Variants in PDE10A observed in about 807,000 individuals in gnomAD.
The protein encoded by PDE10A is cAMP and cAMP-inhibited cGMP 3',5'-cyclic phosphodiesterase 10A.
A neutral mutation model predicts 97.7 loss-of-function variants in PDE10A; 39 were observed. That is an observed-to-expected ratio of 0.40 (90% confidence interval 0.31 to 0.52). The LOEUF (loss-of-function observed/expected upper bound fraction) is 0.52. Ranked by LOEUF, PDE10A falls within the 20% of genes least tolerant of loss-of-function variation. The pLI is 0.56. For synonymous variants in PDE10A, 371 were observed against 376.8 expected, an observed-to-expected ratio of 0.98 and a Z score of 0.18; for missense variants, 731 against 1,047.8, an observed-to-expected ratio of 0.70 and a Z score of 4.17.
intron 2 of PDE10A, among the ~76,000 whole-genome samples, chr6:165,495,950 A>G (rs752943070): frequency 6.6e-6 from 1 of 152,144 alleles, no homozygotes; most frequent in South Asian, 2.1e-4. Context: ...ATAAATAACT[A>G]TATCATACAG....
chr6:165,976,069 G>A (rs1784837129), intron 1 of PDE10A, among the ~76,000 whole-genome samples: 1 of 152,190 alleles, frequency 6.6e-6, no homozygotes. Flanking sequence ...CTGCTATTAA[G>A]CATAGAGGGG....
chr6:165,916,572 G>C (rs1256795478), intron 1 of PDE10A, among the ~76,000 whole-genome samples: 1 of 152,216 alleles, frequency 6.6e-6, no homozygotes, highest in Non-Finnish European at 1.5e-5. Flanking sequence ...TGACAAAGGA[G>C]CAAAGAAAAT....
Position 165,341,664 on chromosome 6 carries a change from C to T in PDE10A, c.2895+1727G>A, listed in dbSNP as rs181476473. On this transcript the variant is annotated intron_variant, in intron 19 of 21. Transcript: ENST00000539869. The stretch of plus-strand genomic sequence containing the variant: ...CAGCTGCAGACTTCAGTCTAGGGAA[C>T]GTATCAAGCAACTCAACTTTTTCTT... 1.5e-3 allele frequency among the ~76,000 whole-genome samples: 233 copies of T among 152,248 alleles called. 1 individual carries two copies. Among genetic ancestry groups the T allele is most frequent in the African/African-American group, 5.2e-3 (214 of 41,536 alleles).
In PDE10A at chr6:165,347,105, T is replaced by A. The variant is rs757399619; in HGVS notation, c.2784-3603A>T. Among the ~76,000 whole-genome samples the A allele has an allele frequency of 9.9e-5, 15 of 152,200 alleles. No individual in the cohort carries two copies. In the Middle Eastern group the frequency reaches 0.01, roughly 104 times the overall value. On this transcript the variant is annotated intron_variant, in intron 18 of 21. Transcript: ENST00000539869. The stretch of plus-strand genomic sequence containing the variant: ...ATTATCACCTTAATGCTTTTTTTTT[T>A]ATCTTGCTTTTAAACTCATTTTCAA...
At chr6:165,826,288 G>T (rs1159671683) in intron 1 of PDE10A, among the ~76,000 whole-genome samples, 1 of 91,508 alleles carries the variant, frequency 1.1e-5, no homozygotes, top group Non-Finnish European at 2.4e-5. Flanking sequence ...ATGTCCCTCT[G>T]TCCCCATGTC....
chr6:165,692,995 A>G (rs1791345632), intron 1 of PDE10A, among the ~76,000 whole-genome samples: 1 of 152,206 alleles, frequency 6.6e-6, no homozygotes, highest in Admixed American at 6.5e-5. Context: ...CAAAGAGAGG[A>G]TAGAATCAGT....
intron 1 of PDE10A, among the ~76,000 whole-genome samples, chr6:165,774,235 CCTT>C (rs1192462328): frequency 1.3e-5 from 2 of 151,996 alleles, no homozygotes; most frequent in Non-Finnish European, 2.9e-5. Context: ...AACATTTGTG[CCTT>C]CTTTTCATTT....
intron 2 of PDE10A, among the ~76,000 whole-genome samples, chr6:165,516,352 A>G (rs1300989083): frequency 1.3e-5 from 2 of 152,204 alleles, no homozygotes; most frequent in Non-Finnish European, 2.9e-5. Flanking sequence ...AAGATTATGT[A>G]CATGCTTCCT....
intron 18 of PDE10A, among the ~76,000 whole-genome samples, chr6:165,368,837 G>T (rs1387228296): frequency 6.6e-6 from 1 of 152,174 alleles, no homozygotes; most frequent in African/African-American, 2.4e-5. Flanking sequence ...CCAAGTAGGG[G>T]CAGACCGACA....
chr6:165,507,693 A>G (rs1781278771), intron 2 of PDE10A, among the ~76,000 whole-genome samples: 1 of 151,954 alleles, frequency 6.6e-6, no homozygotes, highest in Non-Finnish European at 1.5e-5. Flanking sequence ...TCATTTTCCA[A>G]CTAACACTTA....
chr6:165,698,146 A>G (rs935527894), intron 1 of PDE10A, among the ~76,000 whole-genome samples: 4 of 152,198 alleles, frequency 2.6e-5, no homozygotes, highest in Non-Finnish European at 4.4e-5. Flanking sequence ...TTTAAATGCT[A>G]TAAACATCTC....
At chr6:165,777,673 G>T (rs561251755) in intron 1 of PDE10A, among the ~76,000 whole-genome samples, 1 of 151,200 alleles carries the variant, frequency 6.6e-6, no homozygotes, top group African/African-American at 2.4e-5. Flanking sequence ...GATAAGATCG[G>T]CGGCTGATCT....
chr6:165,926,373 T>G (rs1305197478), intron 1 of PDE10A, among the ~76,000 whole-genome samples: 2 of 152,234 alleles, frequency 1.3e-5, no homozygotes, highest in Admixed American at 1.3e-4. Flanking sequence ...GTATGTCTCC[T>G]TTAGTGTTGA....
intron 1 of PDE10A, among the ~76,000 whole-genome samples, chr6:165,583,287 A>G (rs1441090794): frequency 6.6e-6 from 1 of 152,230 alleles, no homozygotes; most frequent in South Asian, 2.1e-4. Context: ...TAGTGTGCCT[A>G]AAGATCCTCT....
chr6:165,855,316 G>T (rs1479490667), intron 1 of PDE10A, among the ~76,000 whole-genome samples: 3 of 150,988 alleles, frequency 2.0e-5, no homozygotes, highest in Middle Eastern at 3.4e-3. Flanking sequence ...GGGGGGGGGG[G>T]GGGACTCAGG....
chr6:165,394,646 G>A (rs1010084682), intron 15 of PDE10A, among the ~76,000 whole-genome samples: 12 of 152,146 alleles, frequency 7.9e-5, no homozygotes, highest in Non-Finnish European at 7.3e-5. Flanking sequence ...TCACCATACC[G>A]TTTTCTACAA....
At chr6:165,957,406 A>C (rs1784165866) in intron 1 of PDE10A, among the ~76,000 whole-genome samples, 1 of 152,074 alleles carries the variant, frequency 6.6e-6, no homozygotes, top group African/African-American at 2.4e-5. Flanking sequence ...GCTTGACCCC[A>C]AGAGTTCAAG....
chr6:165,886,800 T>C (rs1391555586), intron 1 of PDE10A, among the ~76,000 whole-genome samples: 1 of 152,170 alleles, frequency 6.6e-6, no homozygotes, highest in Non-Finnish European at 1.5e-5. Flanking sequence ...TGGAGGAACA[T>C]ACCTTTCTCT....
chr6:165,397,122 T>G (rs921165567), intron 13 of PDE10A, among the ~76,000 whole-genome samples: 7 of 152,194 alleles, frequency 4.6e-5, no homozygotes, highest in Admixed American at 3.9e-4. Flanking sequence ...CATTTTGCCA[T>G]CCTGTTAAGT....
Sources: gnomAD v4.1 joint callset for allele counts (sites outside exome capture counted in the v4.1 genomes callset) on GRCh38, gnomAD v4.1.1 for gene constraint, MANE v1.5 for transcripts, NCBI Gene and HGNC (gene_info 2026-07-23, HGNC 2026-07-21) for gene names.